SGCD: variants seen among roughly 807,000 people sequenced by gnomAD.
SGCD encodes delta-sarcoglycan.
SGCD carries 18 observed loss-of-function variants against 36.6 expected under a neutral mutation model. The observed-to-expected ratio is 0.49, with a 90% CI of 0.34 to 0.73. The LOEUF is 0.73. SGCD is among the 30% of genes least tolerant of loss of function. The pLI, the probability that SGCD is intolerant of heterozygous loss-of-function variation, is 0.01. For synonymous variants in SGCD, 133 were observed against 130.6 expected (o/e 1.02, Z -0.12); for missense variants, 387 against 346.7 (o/e 1.12, Z -0.92).
intron 3 of SGCD, among the ~76,000 whole-genome samples, chr5:156,216,898 G>A (rs951730800): frequency 2.0e-5 from 3 of 152,136 alleles, no homozygotes; most frequent in African/African-American, 7.2e-5. Flanking sequence ...GGCCAACATG[G>A]CAAAACCCCA....
chr5:156,514,312 G>A (rs769903961), intron 4 of SGCD, among the ~76,000 whole-genome samples: 2 of 152,138 alleles, frequency 1.3e-5, no homozygotes, highest in Admixed American at 1.3e-4. Context: ...AAGGAAAATA[G>A]CATTTATTAA....
At chr5:156,139,534 T>G (rs256771) in intron 3 of SGCD, among the ~76,000 whole-genome samples, 14,359 of 152,222 alleles carry the variant, frequency 0.094, 767 homozygotes, top group South Asian at 0.15. Flanking sequence ...AGGAAATGCT[T>G]TGTCTCTCTG....
the SGCD span, among the ~76,000 whole-genome samples, chr5:155,782,320 C>T: frequency 2.6e-5 from 4 of 151,994 alleles, no homozygotes; most frequent in African/African-American, 4.8e-5. Context: ...CCACCACACC[C>T]GGCCTCATTT....
intron 3 of SGCD, among the ~76,000 whole-genome samples, chr5:156,135,798 A>AT (rs1561534300): frequency 6.6e-6 from 1 of 151,908 alleles, no homozygotes; most frequent in East Asian, 1.9e-4. Flanking sequence ...GTCCCTGGAG[A>AT]TTTTTTGGGT....
At chr5:155,930,114 T>C (rs1757072620) in intron 1 of SGCD, among the ~76,000 whole-genome samples, 1 of 152,184 alleles carries the variant, frequency 6.6e-6, no homozygotes, top group African/African-American at 2.4e-5. Context: ...TTTTCAACTC[T>C]CCACCCCTCT....
At chr5:155,758,107 A>G in the SGCD span, among the ~76,000 whole-genome samples, 1 of 152,100 alleles carries the variant, frequency 6.6e-6, no homozygotes, top group South Asian at 2.1e-4. Flanking sequence ...CAGCATGAAA[A>G]CAGACTAATA....
intron 3 of SGCD, among the ~76,000 whole-genome samples, chr5:156,413,363 A>G (rs998084301): frequency 2.6e-5 from 4 of 152,228 alleles, no homozygotes; most frequent in Middle Eastern, 3.2e-3. Flanking sequence ...TAGCTGTTAC[A>G]TAGGGATACA....
chr5:155,912,756 TTC>T (rs1186137702), intron 1 of SGCD, among the ~76,000 whole-genome samples: 2 of 152,126 alleles, frequency 1.3e-5, no homozygotes, highest in Non-Finnish European at 2.9e-5. Context: ...CTTCCTTCTC[TTC>T]TCTTTCTTTC....
At chr5:155,767,755 C>T in the SGCD span, among the ~76,000 whole-genome samples, 2 of 152,190 alleles carry the variant, frequency 1.3e-5, no homozygotes, top group African/African-American at 4.8e-5. Flanking sequence ...CTAACTTCTG[C>T]TAGCTTGCTT....
chr5:156,155,958 A>C (rs1762951886), intron 3 of SGCD, among the ~76,000 whole-genome samples: 1 of 151,760 alleles, frequency 6.6e-6, no homozygotes, highest in Non-Finnish European at 1.5e-5. Flanking sequence ...TTCGTGTGGC[A>C]GGAGAGTATT....
At chr5:156,622,435 A>AAATAATAATAAT (rs56979795) in intron 6 of SGCD, among the ~76,000 whole-genome samples, 266 of 137,072 alleles carry the variant, frequency 1.9e-3, no homozygotes, top group Non-Finnish European at 2.6e-3. Flanking sequence ...TCTGTCTAAA[A>AAATAATAATAAT]AATAATAATA....
rs1757582647 is a variant in SGCD, at chr5:156,766,078, T to TCA, written c.*6691_*6692dup. The TCA allele has an allele frequency of 6.6e-6, 1 of 151,512 alleles. No homozygotes were observed. The highest frequency in any genetic ancestry group is 2.4e-5 in the African/African-American group (1 of 41,200). 9.4% of individuals were successfully genotyped at this position (151,512 alleles called of 1,614,324 possible). On this transcript the variant is annotated 3_prime_UTR_variant, in exon 9 of 9. Coordinates refer to ENST00000337851, the MANE Select transcript of SGCD (RefSeq NM_000337.6). ...CCGGAAAATACCTGGGTTGTTAGCC[T>TCA]CACATTTAGGAAAAAATTGTAATAC...
intron 1 of SGCD, among the ~76,000 whole-genome samples, chr5:156,032,992 G>A (rs1043690930): frequency 5.9e-5 from 9 of 151,848 alleles, no homozygotes; most frequent in African/African-American, 1.5e-4. Flanking sequence ...CAGGAAGATC[G>A]TTTGAGCCTT....
intron 7 of SGCD, among the ~76,000 whole-genome samples, chr5:156,706,914 G>T (rs936853219): frequency 2.0e-5 from 3 of 152,082 alleles, no homozygotes; most frequent in African/African-American, 4.8e-5. Flanking sequence ...AGATGCAAAA[G>T]CCAAGAACTT....
intron 1 of SGCD, among the ~76,000 whole-genome samples, chr5:155,895,945 G>A (rs868078044): frequency 6.6e-6 from 1 of 152,224 alleles, no homozygotes; most frequent in Non-Finnish European, 1.5e-5. Context: ...ACCTGCAACC[G>A]TTATCTGAGA....
intron 4 of SGCD, among the ~76,000 whole-genome samples, chr5:156,586,146 C>T (rs771016410): frequency 6.6e-6 from 1 of 151,962 alleles, no homozygotes; most frequent in Non-Finnish European, 1.5e-5. Flanking sequence ...TCATATCTCC[C>T]TACGCTCTTG....
chr5:155,946,988 G>A (rs1348819262), intron 1 of SGCD, among the ~76,000 whole-genome samples: 1 of 152,168 alleles, frequency 6.6e-6, no homozygotes. Flanking sequence ...AGCAGCATAG[G>A]AATGGTAATA....
chr5:156,187,416 A>C (rs1319484702), intron 3 of SGCD, among the ~76,000 whole-genome samples: 1 of 152,094 alleles, frequency 6.6e-6, no homozygotes. Context: ...GATGTGCAGG[A>C]AAACAGTTTT....
chr5:156,183,297 C>T (rs1763652363), intron 3 of SGCD, among the ~76,000 whole-genome samples: 1 of 152,192 alleles, frequency 6.6e-6, no homozygotes, highest in African/African-American at 2.4e-5. Flanking sequence ...CAAATAGTTT[C>T]AAGAAAAGCA....
Sources: gnomAD v4.1 joint callset for allele counts (sites outside exome capture counted in the v4.1 genomes callset) on GRCh38, gnomAD v4.1.1 for gene constraint, MANE v1.5 for transcripts, NCBI Gene and HGNC (gene_info 2026-07-23, HGNC 2026-07-21) for gene names.